The following SLC26A4 variants were observed in gnomAD, a reference collection of about 807,000 sequenced individuals.
SLC26A4 encodes the protein pendrin.
Under a neutral mutation model 90.4 loss-of-function variants are expected in SLC26A4, and 93 were observed. The ratio of observed to expected loss-of-function variants is 1.03; its 90% CI spans 0.87 to 1.22. The LOEUF (loss-of-function observed/expected upper bound fraction) is 1.22. SLC26A4 is among the 50% of genes most tolerant of loss of function. SLC26A4 has a pLI of 0.00. For missense variants in SLC26A4, 1,127 were observed against 946.2 expected, an observed-to-expected ratio of 1.19 and a Z score of -2.51; for synonymous variants, 393 against 354.6, an observed-to-expected ratio of 1.11 and a Z score of -1.22.
intron 6 of SLC26A4, among the ~76,000 whole-genome samples, chr7:107,680,403 CT>C (rs1183333738): frequency 1.5e-5 from 2 of 136,480 alleles, no homozygotes; most frequent in Non-Finnish European, 3.1e-5. Context: ...ATAATCTTAT[CT>C]TATTATATAA....
chr7:107,705,603 C>G (rs1010850120), intron 18 of SLC26A4, among the ~76,000 whole-genome samples: 1 of 151,676 alleles, frequency 6.6e-6, no homozygotes. Context: ...ACAGATGCTT[C>G]CTTGTTGAGT....
chr7:107,707,824 G>C (rs919696022), intron 18 of SLC26A4, among the ~76,000 whole-genome samples: 2 of 151,986 alleles, frequency 1.3e-5, no homozygotes, highest in African/African-American at 4.8e-5. Context: ...GAAATTCCAG[G>C]GTCCTCTGGA....
intron 13 of SLC26A4, 142 bp downstream of exon 13, chr7:107,696,181 G>A (rs999828482): frequency 5.1e-5 from 36 of 712,014 alleles, no homozygotes; most frequent in Admixed American, 1.8e-4. Flanking sequence ...TAAGCAGACA[G>A]TGTTTTACAG....
chr7:107,708,867 G>T (rs1164396676), intron 18 of SLC26A4, among the ~76,000 whole-genome samples: 1 of 152,172 alleles, frequency 6.6e-6, no homozygotes, highest in Non-Finnish European at 1.5e-5. Flanking sequence ...GGAGAGCAAA[G>T]CTGGAGATTA....
At position 107,710,537 on chromosome 7, in the gene SLC26A4, A is replaced by C. The variant is rs570358861; in HGVS notation, c.2235+338A>C. 2.0e-5 allele frequency among the ~76,000 whole-genome samples: 3 copies of C among 152,378 alleles called. No homozygotes were observed. The South Asian group carries it at 6.2e-4, about 32-fold the overall frequency. On this transcript the variant is annotated intron_variant, in intron 19 of 20. Transcript: ENST00000644269. The stretch of plus-strand genomic sequence containing the variant: ...CTTTTGTGATCTGGGATTTGTGTAC[A>C]TAAATTCCACTTAAATTCTCAGCAA...
intron 3 of SLC26A4, among the ~76,000 whole-genome samples, chr7:107,665,444 G>T (rs766874292): frequency 2.6e-5 from 4 of 152,138 alleles, no homozygotes; most frequent in East Asian, 1.9e-4. Flanking sequence ...TCTACACTGT[G>T]CTCTAAGGGC....
chr7:107,712,594 C>T lies in SLC26A4; in HGVS notation c.2291C>T (p.Thr764Met), dbSNP rs150597240. ...CTTGAATTAATAGAAACAGAGCTGA[C>T]GGAAGAAGAACTTGATGTCCAGGAT... ...DTLELIETELTEEELDVQDEA... is the reference protein window; with the variant it reads ...DTLELIETELMEEELDVQDEA... Residue 764 changes from threonine (T) to methionine (M), a missense_variant, in exon 20 of 21, where the codon ACG becomes ATG. Physicochemically the swap from Thr to Met is moderately conservative, Grantham distance 81. Coordinates refer to ENST00000644269, the MANE Select transcript of SLC26A4 (RefSeq NM_000441.2). The T allele has an allele frequency of 5.9e-5, 93 of 1,585,634 alleles. No homozygotes were observed. Among genetic ancestry groups the T allele is most frequent in the Middle Eastern group, 3.3e-4 (2 of 6,022 alleles).
chr7:107,712,341 C>G (rs915064830), intron 19 of SLC26A4, among the ~76,000 whole-genome samples, 198 bp from the exon 20 acceptor site: 2 of 152,082 alleles, frequency 1.3e-5, no homozygotes, highest in African/African-American at 2.4e-5. Flanking sequence ...GAGAACTATA[C>G]CAGTTCACCT....
intron 3 of SLC26A4, among the ~76,000 whole-genome samples, chr7:107,664,991 G>A (rs969946425): frequency 2.0e-5 from 3 of 152,226 alleles, no homozygotes; most frequent in Admixed American, 6.5e-5. Flanking sequence ...GTCCAATGGA[G>A]AAAGAGAAAA....
chr7:107,680,208 A>G (rs1340087869), intron 6 of SLC26A4, among the ~76,000 whole-genome samples: 1 of 107,792 alleles, frequency 9.3e-6, no homozygotes, highest in African/African-American at 3.6e-5. Flanking sequence ...ATTATATAAT[A>G]TAATCTTATA....
intron 10 of SLC26A4, chr7:107,693,604 T>G: frequency 1.0e-6 from 1 of 985,566 alleles, no homozygotes; most frequent in African/African-American, 1.7e-5. Context: ...AGAGAATTCA[T>G]TGGTCATCTA....
Position 107,692,016 on chromosome 7 carries a change from G to A in SLC26A4, c.1263+1779G>A, listed in dbSNP as rs1791589758. On this transcript the variant is annotated intron_variant, in intron 10 of 20. Coordinates refer to ENST00000644269, the MANE Select transcript of SLC26A4 (RefSeq NM_000441.2). ...AGCGGGTGCAGGCAAATCTCAAACT[G>A]CTGATGTCCATTCTCCTGATGTTAC... 5 of 1,289,104 alleles carry A rather than the reference G, an allele frequency of 3.9e-6. No homozygotes were observed. The African/African-American group carries it at 4.6e-5, about 12-fold the overall frequency. 79.9% of individuals were successfully genotyped at this position (1,289,104 alleles called of 1,614,324 possible). A position where few individuals can be genotyped will look rare whatever the true frequency, so the allele number is the denominator to read the frequency against.
At chr7:107,682,818 T>C (rs1205280151) in intron 6 of SLC26A4, among the ~76,000 whole-genome samples, 1 of 152,182 alleles carries the variant, frequency 6.6e-6, no homozygotes, top group East Asian at 1.9e-4. Context: ...TTTTAAAATA[T>C]AAACTTGTAA....
chr7:107,691,133 A>ACACATG (rs1562833726), intron 10 of SLC26A4, among the ~76,000 whole-genome samples: 1 of 151,658 alleles, frequency 6.6e-6, no homozygotes. Context: ...ACACACACAC[A>ACACATG]CACACACACA....
rs7777001 is a variant in SLC26A4, at chr7:107,707,158, C to G, written c.2089+2773C>G. 5.7e-3 allele frequency among the ~76,000 whole-genome samples: 870 copies of G among 152,194 alleles called. 13 individuals carry two copies. The highest frequency in any genetic ancestry group is 0.019 in the African/African-American group (805 of 41,518). On this transcript the variant is annotated intron_variant, in intron 18 of 20. Coordinates refer to ENST00000644269, the MANE Select transcript of SLC26A4 (RefSeq NM_000441.2). ...TCTCAAAAAATAAAAAAAAAGTATG[C>G]TTAACCAAGTGGCTGTAAACTGCAG...
At chr7:107,693,197 G>A (rs1029559756) in intron 10 of SLC26A4, 4 of 552,556 alleles carry the variant, frequency 7.2e-6, no homozygotes, top group Non-Finnish European at 6.9e-6. Context: ...GAGGGAAGTA[G>A]GATATCAGCT....
At chr7:107,682,104 T>TAA (rs1169027377) in intron 6 of SLC26A4, among the ~76,000 whole-genome samples, 426 of 33,116 alleles carry the variant, frequency 0.013, 4 homozygotes, top group Middle Eastern at 0.083. Flanking sequence ...GCAAGAGAGC[T>TAA]AAAAAAAAAA....
chr7:107,715,353 TA>T, intron 20 of SLC26A4, 69 bp from the exon 21 acceptor site: 1 of 1,227,334 alleles, frequency 8.1e-7, no homozygotes, highest in Non-Finnish European at 1.2e-6. Context: ...AACATATTTA[TA>T]AAAAAGATAA....
In SLC26A4 at chr7:107,701,959, G is replaced by A. The variant is rs1165325318; in HGVS notation, c.1936G>A (p.Val646Ile). The change falls in exon 17 of 21, where the codon GTC becomes ATC. Residue 646 changes from valine (V) to isoleucine (I), a missense_variant. Physicochemically the swap from Val to Ile is conservative, Grantham distance 29. Transcript: ENST00000644269. ...AGTGGATTGGAACTCTGAGCTTCCAGTCAAAGTGAACGTTCCCAAAGTGCC... is the reference window on the plus strand; with the variant it reads ...AGTGGATTGGAACTCTGAGCTTCCAATCAAAGTGAACGTTCCCAAAGTGCC... ...IQVDWNSELP[V>I]KVNVPKVPIH... The A allele has an allele frequency of 2.5e-6, 4 of 1,613,594 alleles. No individual in the cohort carries two copies. Among genetic ancestry groups the A allele is most frequent in the Non-Finnish European group, 3.4e-6 (4 of 1,179,600 alleles).
Sources: gnomAD v4.1 joint callset for allele counts (sites outside exome capture counted in the v4.1 genomes callset) on GRCh38, gnomAD v4.1.1 for gene constraint, MANE v1.5 for transcripts, NCBI Gene and HGNC (gene_info 2026-07-23, HGNC 2026-07-21) for gene names.